PARVB: variants seen among roughly 807,000 people sequenced by gnomAD.
PARVB encodes parvin beta, also known as beta-parvin.
A neutral mutation model predicts 47.0 loss-of-function variants in PARVB; 46 were observed. That is an observed-to-expected ratio of 0.98 (90% CI 0.77 to 1.25). The LOEUF is 1.25. PARVB is among the 50% of genes most tolerant of loss of function. The pLI is 0.00. For missense variants in PARVB, 473 were observed against 471.6 expected (o/e 1.00, Z -0.03); for synonymous variants, 196 against 196.3 (o/e 1.00, Z 0.01).
At chr22:44,144,608 A>G (rs1254482557) in intron 8 of PARVB, 2 of 152,202 alleles carry the variant, frequency 1.3e-5, no homozygotes, top group African/African-American at 2.4e-5. Context: ...GACCAGCCTT[A>G]CCAACATGGC....
At chr22:44,029,641 T>G (rs1178469917) in intron 1 of PARVB, among the ~76,000 whole-genome samples, 1 of 152,006 alleles carries the variant, frequency 6.6e-6, no homozygotes, top group Non-Finnish European at 1.5e-5. Context: ...CCAGGCGTGG[T>G]GGCTCACGCC....
At chr22:44,093,463 C>T (rs1028984774) in intron 1 of PARVB, among the ~76,000 whole-genome samples, 2 of 152,224 alleles carry the variant, frequency 1.3e-5, no homozygotes, top group African/African-American at 4.8e-5. Context: ...AGTGACCCCA[C>T]TTTAAACTCC....
chr22:44,157,002 C>CACACGGT (rs2053949790), intron 10 of PARVB, among the ~76,000 whole-genome samples: 1 of 152,204 alleles, frequency 6.6e-6, no homozygotes, highest in Admixed American at 6.5e-5. Context: ...TGTGCGCTTA[C>CACACGGT]ACACGGTTAA....
intron 3 of PARVB, chr22:44,107,899 A>T (rs1156385628): frequency 2.0e-5 from 3 of 149,310 alleles, no homozygotes; most frequent in Non-Finnish European, 4.4e-5. Flanking sequence ...TTTGAGACGG[A>T]GTCTCACACT....
chr22:44,017,092 C>T (rs145453917), intron 2 of PARVB, among the ~76,000 whole-genome samples: 1 of 152,082 alleles, frequency 6.6e-6, no homozygotes, highest in Non-Finnish European at 1.5e-5. Flanking sequence ...CCAGGCTGGT[C>T]TCGAACTCCT....
At chr22:44,022,304 T>C (rs1569055445), upstream of PARVB, among the ~76,000 whole-genome samples, 1 of 152,104 alleles carries the variant, frequency 6.6e-6, no homozygotes, top group South Asian at 2.1e-4. Context: ...CTTCTCCTCC[T>C]TTACTGAAAG....
intron 8 of PARVB, chr22:44,140,723 G>C: frequency 2.5e-6 from 1 of 406,514 alleles, no homozygotes; most frequent in Non-Finnish European, 5.0e-6. Context: ...GTGAGTATTG[G>C]GTGAGATCAC....
chr22:44,023,547 TAAAATAAAATAAAATAAAATAAAA>T (rs1432808429), upstream of PARVB, among the ~76,000 whole-genome samples: 4 of 99,540 alleles, frequency 4.0e-5, no homozygotes, highest in Admixed American at 2.8e-4. Flanking sequence ...CAAAATAAAA[TAAAATAAAATAAAATAAAATAAAA>T]TAAAATAAAA....
At chr22:44,115,846 A>G (rs2052880466) in intron 3 of PARVB, 1 of 149,350 alleles carries the variant, frequency 6.7e-6, no homozygotes, top group Non-Finnish European at 1.5e-5. Flanking sequence ...GAATGGATAC[A>G]TTGTACATTG....
At chr22:44,120,618 G>A (rs959982599) in intron 4 of PARVB, among the ~76,000 whole-genome samples, 1 of 152,116 alleles carries the variant, frequency 6.6e-6, no homozygotes. Flanking sequence ...TAAGGCAGTG[G>A]CCTATGGGTT....
In PARVB at chr22:44,051,920, G is replaced by GATGCTGCC. The variant is rs543883836; in HGVS notation, c.112+27471_112+27478dup. 8.4e-3 allele frequency among the ~76,000 whole-genome samples: 1,273 copies of GATGCTGCC among 152,230 alleles called. 18 individuals are homozygous for GATGCTGCC. The highest frequency in any genetic ancestry group is 0.029 in the African/African-American group (1,212 of 41,524). ...ACAGAGGCTGGACAGAGATTGGAGAGATGCTGCCACAAGCCAAGATGCACC... is the reference window on the plus strand; with the variant it reads ...ACAGAGGCTGGACAGAGATTGGAGAGATGCTGCCATGCTGCCACAAGCCAAGATGCACC... On this transcript the variant is annotated intron_variant, in intron 1 of 12. Coordinates refer to ENST00000338758, the MANE Select transcript of PARVB (RefSeq NM_013327.5).
intron 11 of PARVB, among the ~76,000 whole-genome samples, chr22:44,158,533 TTG>T (rs1197943351): frequency 1.1e-4 from 16 of 152,264 alleles, no homozygotes; most frequent in Admixed American, 8.5e-4. Flanking sequence ...CATGTTTCTA[TTG>T]TTTTTCCCTA....
In PARVB at chr22:43,999,850, A is replaced by AC. The variant is rs1569041527; in HGVS notation, c.211+177_211+178insC. 6.7e-5 allele frequency among the ~76,000 whole-genome samples: 10 copies of AC among 149,344 alleles called. No individual in the cohort carries two copies. In the East Asian group the frequency reaches 1.6e-3, roughly 23 times the overall value. ...CATCTATATGAAAAAAAAAAAAAAA[A>AC]AAAAAAAACAGCTGGGTGTGGTGGC... is the stretch of plus-strand genomic sequence containing the variant. On this transcript the variant is annotated intron_variant, in intron 2 of 13. Coordinates refer to the PARVB transcript ENST00000406477.
chr22:44,134,418 C>T (rs953910904), intron 6 of PARVB, among the ~76,000 whole-genome samples: 7 of 152,200 alleles, frequency 4.6e-5, no homozygotes, highest in African/African-American at 1.7e-4. Context: ...CAGCTCGGGG[C>T]CCCAGGAGCC....
chr22:44,140,275 A>G, intron 8 of PARVB, 132 bp downstream of exon 8: 1 of 924,618 alleles, frequency 1.1e-6, no homozygotes, highest in East Asian at 2.4e-5. Context: ...TAGTTCTGGA[A>G]TCCTAGAGAA....
At chr22:44,013,723 C>T (rs1164586454) in intron 2 of PARVB, among the ~76,000 whole-genome samples, 2 of 151,820 alleles carry the variant, frequency 1.3e-5, no homozygotes, top group African/African-American at 4.8e-5. Context: ...ACCTCCACCT[C>T]CTGGGTTCAA....
At chr22:44,055,886 A>G (rs948435270) in intron 1 of PARVB, among the ~76,000 whole-genome samples, 20 of 152,110 alleles carry the variant, frequency 1.3e-4, no homozygotes, top group African/African-American at 3.9e-4. Context: ...GCCGAGGCCT[A>G]TCCGCACTGG....
chr22:44,100,312 G>A (rs1490330493), intron 3 of PARVB, among the ~76,000 whole-genome samples, 189 bp downstream of exon 3: 3 of 152,170 alleles, frequency 2.0e-5, no homozygotes, highest in Admixed American at 1.3e-4. Context: ...AGTGCCAAGC[G>A]CCTCCCATGT....
intron 1 of PARVB, among the ~76,000 whole-genome samples, chr22:44,083,980 C>T (rs1429707090): frequency 6.6e-6 from 1 of 152,160 alleles, no homozygotes; most frequent in Non-Finnish European, 1.5e-5. Context: ...GGTTGGATGG[C>T]CTCAGGTAAG....
Sources: allele counts gnomAD v4.1 joint callset (sites outside exome capture counted in the v4.1 genomes callset), GRCh38; gene constraint gnomAD v4.1.1; transcripts MANE v1.5; gene names NCBI Gene and HGNC (gene_info 2026-07-23, HGNC 2026-07-21).